Variants in FYCO1 observed in about 807,000 individuals in gnomAD.
FYCO1 encodes the protein FYVE and coiled-coil domain-containing protein 1.
Under a neutral mutation model 165.1 loss-of-function variants are expected in FYCO1, and 122 were observed. That is an observed-to-expected ratio of 0.74 (90% confidence interval 0.64 to 0.86). FYCO1 has a LOEUF of 0.86. FYCO1 is among the 40% of genes least tolerant of loss of function. The pLI, the probability that FYCO1 is intolerant of heterozygous loss-of-function variation, is 0.00. For synonymous variants in FYCO1, 648 were observed against 742.5 expected, an observed-to-expected ratio of 0.87 and a Z score of 2.07; for missense variants, 1,702 against 1,810.3, an observed-to-expected ratio of 0.94 and a Z score of 1.09.
rs1439958895 is a variant in FYCO1 at position 45,920,670 on chromosome 3, G to C, written c.*1095C>G. 1 of 152,748 alleles carries C rather than the reference G, an allele frequency of 6.5e-6. No homozygotes were observed. Among genetic ancestry groups the C allele is most frequent in the African/African-American group, 2.4e-5 (1 of 41,450 alleles). 9.5% of individuals were successfully genotyped at this position (152,748 alleles called of 1,614,324 possible). On this transcript the variant is annotated 3_prime_UTR_variant, in exon 18 of 18. Transcript: ENST00000296137. ...CTGAGCAGTGGGAAGTGGGCAAATG[G>C]GCTGTTGGGGAACCTGTCAGGAGGG... is the stretch of plus-strand genomic sequence containing the variant.
intron 14 of FYCO1, among the ~76,000 whole-genome samples, chr3:45,949,817 C>A (rs1280840873): frequency 6.6e-6 from 1 of 152,228 alleles, no homozygotes; most frequent in East Asian, 1.9e-4. Context: ...GCCCCAGGAA[C>A]AGCACAGCAG....
chr3:45,974,990 G>A (rs1039047133), intron 5 of FYCO1, among the ~76,000 whole-genome samples: 3 of 152,156 alleles, frequency 2.0e-5, no homozygotes, highest in Admixed American at 6.5e-5. Context: ...AGAGAGTAAC[G>A]GGTGAGGCCT....
intron 4 of FYCO1, among the ~76,000 whole-genome samples, chr3:45,978,271 GA>G (rs1309647052): frequency 6.6e-6 from 1 of 152,210 alleles, no homozygotes; most frequent in Non-Finnish European, 1.5e-5. Context: ...GAGGAATGAA[GA>G]GAGGAGAGTG....
chr3:45,932,619 C>T (rs983880112), intron 15 of FYCO1, among the ~76,000 whole-genome samples: 21 of 152,134 alleles, frequency 1.4e-4, no homozygotes, highest in Non-Finnish European at 2.2e-4. Flanking sequence ...CCCAACACTG[C>T]GCAGCAAGTG....
chr3:45,947,512 C>T (rs774004453), intron 14 of FYCO1: 46 of 1,608,834 alleles, frequency 2.9e-5, no homozygotes, highest in Non-Finnish European at 3.7e-5. Context: ...CAGTTATAGG[C>T]CTTGCCAGGG....
intron 7 of FYCO1, among the ~76,000 whole-genome samples, chr3:45,969,178 G>A (rs1414321319): frequency 6.6e-6 from 1 of 152,078 alleles, no homozygotes; most frequent in East Asian, 1.9e-4. Flanking sequence ...ACTATATACA[G>A]CTGTGATAAA....
At position 45,962,474 on chromosome 3, in the gene FYCO1, G is replaced by A. The variant is rs1039783640; in HGVS notation, c.3270-82C>T. 1 of 1,282,070 alleles carries A rather than the reference G, an allele frequency of 7.8e-7. No homozygotes were observed. Among genetic ancestry groups the A allele is most frequent in the Non-Finnish European group, 1.1e-6 (1 of 877,900 alleles). 79.4% of individuals were successfully genotyped at this position (1,282,070 alleles called of 1,614,324 possible). ...CTCTAAGCTCACCCAGGACTCTAAT[G>A]AGGGGTGCTACTGCCCTCCGCCATG... On this transcript the variant is annotated intron_variant, in intron 10 of 17. Coordinates refer to ENST00000296137, the MANE Select transcript of FYCO1 (RefSeq NM_024513.4). This position sits in a 1 kb window ranked among gnomAD's most constrained non-coding sequence, Gnocchi z 4.4.
intron 5 of FYCO1, 59 bp from the exon 6 acceptor site, chr3:45,973,290 C>T: frequency 6.4e-7 from 1 of 1,553,672 alleles, no homozygotes; most frequent in South Asian, 1.1e-5. Context: ...TTTACTCAGT[C>T]CTCCCACTGT....
At chr3:45,975,623 C>T (rs1242964986) in intron 4 of FYCO1, among the ~76,000 whole-genome samples, 1 of 152,230 alleles carries the variant, frequency 6.6e-6, no homozygotes, top group East Asian at 1.9e-4. Context: ...GGCTTCCAAA[C>T]ATCTGTGGAT....
At chr3:45,936,301 A>G (rs937948019) in intron 15 of FYCO1, 147 bp downstream of exon 15, 1 of 657,066 alleles carries the variant, frequency 1.5e-6, no homozygotes, top group African/African-American at 1.8e-5. Flanking sequence ...TAATGTATAT[A>G]AGCTATGCCT....
rs370143709 is a variant in FYCO1, at chr3:45,969,685, C to G, written c.620G>C (p.Ser207Thr). 32 of 1,613,790 alleles carry G rather than the reference C, an allele frequency of 2.0e-5. No homozygotes were observed. Among genetic ancestry groups the G allele is most frequent in the Non-Finnish European group, 2.5e-5 (30 of 1,179,852 alleles). The change falls in exon 7 of 18, where the codon AGC (serine) becomes ACC (threonine). Residue 207 changes from serine to threonine, a missense_variant. Physicochemically the swap from Ser to Thr is moderately conservative, Grantham distance 58. Transcript: ENST00000296137. ...RSSSMSSLVS[S>T]YLQTQEMVSN... Reference sequence around the variant, plus strand: ...CCTTCCTGGCCTTACCTGCAGGTAGCTGCTCACCAAGCTGCTCATGCTGGA... The same window carrying G: ...CCTTCCTGGCCTTACCTGCAGGTAGGTGCTCACCAAGCTGCTCATGCTGGA...
In FYCO1 at chr3:45,966,230, C is replaced by G. The variant is rs532305362; in HGVS notation, c.3057+47G>C. 5.8e-5 allele frequency: 93 copies of G among 1,599,406 alleles called. 1 individual carries two copies. In the East Asian group the frequency reaches 1.8e-3, roughly 31 times the overall value. On this transcript the variant is annotated intron_variant, in intron 8 of 17. Coordinates refer to ENST00000296137, the MANE Select transcript of FYCO1 (RefSeq NM_024513.4). ...GCATCTTCCCATGGACCCACCAGGC[C>G]TGCCCAGGGAGAGGGGTAGAGCCCA...
chr3:45,987,875 C>T (rs1242519690), intron 1 of FYCO1, among the ~76,000 whole-genome samples: 1 of 152,244 alleles, frequency 6.6e-6, no homozygotes, highest in Admixed American at 6.5e-5. Flanking sequence ...GAAACAATGT[C>T]TGCAAACCCA....
In FYCO1 at chr3:45,962,816, G is replaced by A. The variant is rs929654883; in HGVS notation, c.3270-424C>T. Reference sequence around the variant, plus strand: ...ACAGAGGAGGGCCTGTCTTCCACACGTCCTTGGGACTCTACACATGGGGCA... The same window carrying A: ...ACAGAGGAGGGCCTGTCTTCCACACATCCTTGGGACTCTACACATGGGGCA... On this transcript the variant is annotated intron_variant, in intron 10 of 17. Coordinates refer to ENST00000296137, the MANE Select transcript of FYCO1 (RefSeq NM_024513.4). This position sits in a 1 kb window ranked among gnomAD's most constrained non-coding sequence, Gnocchi z 4.4. Among the ~76,000 whole-genome samples the A allele has an allele frequency of 8.5e-5, 13 of 152,242 alleles. No individual in the cohort carries two copies. The highest frequency in any genetic ancestry group is 1.3e-4 in the Non-Finnish European group (9 of 68,010).
chr3:45,950,519 G>A lies in FYCO1; in HGVS notation c.3944+4730C>T, dbSNP rs548059051. Among the ~76,000 whole-genome samples the A allele has an allele frequency of 7.9e-5, 12 of 152,228 alleles. No individual in the cohort carries two copies. In the East Asian group the frequency reaches 9.7e-4, roughly 12 times the overall value. ...CCTACTGGAGGGGTGGAGGCAAAGCGAAGAGGATGGGGCCCAGAAGTGGTC... is the reference window on the plus strand; with the variant it reads ...CCTACTGGAGGGGTGGAGGCAAAGCAAAGAGGATGGGGCCCAGAAGTGGTC... On this transcript the variant is annotated intron_variant, in intron 14 of 17. Transcript: ENST00000296137.
At chr3:45,973,833 G>A (rs1006174224) in intron 5 of FYCO1, among the ~76,000 whole-genome samples, 4 of 152,200 alleles carry the variant, frequency 2.6e-5, no homozygotes, top group Non-Finnish European at 5.9e-5. Flanking sequence ...TGAGGCAGGA[G>A]GATAGCTTGA....
intron 3 of FYCO1, among the ~76,000 whole-genome samples, chr3:45,981,059 C>T (rs1005724964): frequency 2.6e-5 from 4 of 152,262 alleles, no homozygotes; most frequent in Admixed American, 2.0e-4. Flanking sequence ...GAATATACTA[C>T]AAATAAGCTC....
chr3:45,936,757 T>C (rs558285442), intron 14 of FYCO1, among the ~76,000 whole-genome samples: 1 of 152,052 alleles, frequency 6.6e-6, no homozygotes, highest in South Asian at 2.1e-4. Context: ...GAGAAGACAA[T>C]AGGGCTACAG....
chr3:45,950,625 T>C (rs1704952981), intron 14 of FYCO1, among the ~76,000 whole-genome samples: 2 of 152,182 alleles, frequency 1.3e-5, no homozygotes, highest in African/African-American at 4.8e-5. Flanking sequence ...TGTTGGTCCC[T>C]GGTAACTAAT....
Sources: allele counts gnomAD v4.1 joint callset (sites outside exome capture counted in the v4.1 genomes callset), GRCh38; gene constraint gnomAD v4.1.1; non-coding constraint Gnocchi (gnomAD v3.1); transcripts MANE v1.5; gene names NCBI Gene and HGNC (gene_info 2026-07-23, HGNC 2026-07-21).